LRRIQ3: variants seen among roughly 807,000 people sequenced by gnomAD.
The protein encoded by LRRIQ3 is leucine rich repeats and IQ motif containing 3.
A neutral mutation model predicts 59.3 loss-of-function variants in LRRIQ3; 75 were observed. That is an observed-to-expected ratio of 1.26 (90% CI 1.05 to 1.53). LRRIQ3 has a LOEUF of 1.53. Ranked by LOEUF, LRRIQ3 falls within the 40% of genes most tolerant of loss-of-function variation. The pLI is 0.00. For missense variants in LRRIQ3, 831 were observed against 710.0 expected (o/e 1.17, Z -1.94); for synonymous variants, 250 against 231.3 (o/e 1.08, Z -0.73).
At chr1:74,178,406 G>T (rs534992848) in intron 3 of LRRIQ3, among the ~76,000 whole-genome samples, 1 of 151,702 alleles carries the variant, frequency 6.6e-6, no homozygotes, top group Non-Finnish European at 1.5e-5. Context: ...GCAAAAACAC[G>T]TTAAATTTTA....
intron 1 of LRRIQ3, among the ~76,000 whole-genome samples, chr1:74,187,122 T>G (rs1372285600): frequency 6.6e-6 from 1 of 152,094 alleles, no homozygotes; most frequent in African/African-American, 2.4e-5. Flanking sequence ...AGTATGGAAA[T>G]TCCTTAAGGA....
rs1646472291 is a variant in LRRIQ3, at chr1:74,098,001, T to C, written c.867+11393A>G. ...GCTAGGAAGAAACTGCATCAACTAA[T>C]GAGCAAAATAACCAGCTAACATCAT... On this transcript the variant is annotated intron_variant, in intron 5 of 7. Coordinates refer to ENST00000354431, the MANE Select transcript of LRRIQ3 (RefSeq NM_001105659.2). Among the ~76,000 whole-genome samples the C allele has an allele frequency of 2.0e-5, 3 of 152,064 alleles. No homozygotes were observed. The South Asian group carries it at 6.2e-4, about 32-fold the overall frequency.
chr1:74,110,754 T>C (rs1186017033), intron 4 of LRRIQ3, among the ~76,000 whole-genome samples: 1 of 152,068 alleles, frequency 6.6e-6, no homozygotes, highest in Non-Finnish European at 1.5e-5. Context: ...AAAATATTTG[T>C]ATTAATGACA....
rs1401966425 is a variant in LRRIQ3 at position 74,041,605 on chromosome 1, A to G, written c.1326T>C (p.Val442=). ...CTCGAGCAACTTGTGCCATGGCTAC[A>G]ACTCTTACTTTTTCTTTATGGTATT... is the stretch of plus-strand genomic sequence containing the variant. ...KQEYHKEKVR[V]VAMAQVARER... Residue 442 remains valine (V), a synonymous_variant, in exon 7 of 8, where the codon GTT becomes GTC. Coordinates refer to ENST00000354431, the MANE Select transcript of LRRIQ3 (RefSeq NM_001105659.2). The G allele has an allele frequency of 6.2e-7, 1 of 1,613,808 alleles. No homozygotes were observed. Among genetic ancestry groups the G allele is most frequent in the Admixed American group, 1.7e-5 (1 of 59,982 alleles).
chr1:74,123,874 C>G (rs1646897665), intron 4 of LRRIQ3, among the ~76,000 whole-genome samples: 1 of 152,058 alleles, frequency 6.6e-6, no homozygotes, highest in African/African-American at 2.4e-5. Flanking sequence ...ATTTGAGGAA[C>G]ATCCAAGCTG....
chr1:74,164,670 T>G (rs1357005921), intron 3 of LRRIQ3, among the ~76,000 whole-genome samples: 1 of 151,572 alleles, frequency 6.6e-6, no homozygotes. Flanking sequence ...AAAAATTTGA[T>G]TACATGCATT....
intron 7 of LRRIQ3, among the ~76,000 whole-genome samples, chr1:74,034,965 G>A (rs1201662587): frequency 6.6e-6 from 1 of 151,950 alleles, no homozygotes; most frequent in Non-Finnish European, 1.5e-5. Flanking sequence ...GGATAAAACT[G>A]TGGCTGACCA....
intron 4 of LRRIQ3, among the ~76,000 whole-genome samples, chr1:74,114,290 G>A (rs1646747522): frequency 6.6e-6 from 1 of 152,010 alleles, no homozygotes; most frequent in South Asian, 2.1e-4. Flanking sequence ...GTCACAAACT[G>A]TCGGATTTGT....
chr1:74,130,608 AT>A (rs891934487), intron 4 of LRRIQ3, among the ~76,000 whole-genome samples: 1 of 151,864 alleles, frequency 6.6e-6, no homozygotes, highest in Admixed American at 6.6e-5. Context: ...TATAAATGTG[AT>A]TTTTTTTGTG....
intron 4 of LRRIQ3, among the ~76,000 whole-genome samples, chr1:74,150,316 T>C (rs1647848714): frequency 6.6e-6 from 1 of 152,170 alleles, no homozygotes; most frequent in Admixed American, 6.5e-5. Flanking sequence ...AACTTCTGCC[T>C]AGTTTAAGCC....
rs761252578 is a variant in LRRIQ3, at chr1:74,183,573, G to C, written c.112C>G (p.Leu38Val). The change falls in exon 2 of 8, where the codon CTT becomes GTT. Residue 38 changes from leucine to valine, a missense_variant. Transcript: ENST00000354431. The stretch of plus-strand genomic sequence containing the variant: ...AAATTTTCCATAGACTTTAAATGAA[G>C]GCCATTGAACTTCACAAAAACAAAA... ...KDFVFVKFNGLHLKSMENLQS... is the reference protein window; with the variant it reads ...KDFVFVKFNGVHLKSMENLQS... 1 of 1,611,898 alleles carries C rather than the reference G, an allele frequency of 6.2e-7. No homozygotes were observed. The highest frequency in any genetic ancestry group is 8.5e-7 in the Non-Finnish European group (1 of 1,178,740).
At chr1:74,190,456 C>A (rs1650687395) in intron 1 of LRRIQ3, among the ~76,000 whole-genome samples, 1 of 147,210 alleles carries the variant, frequency 6.8e-6, no homozygotes, top group South Asian at 2.2e-4. Flanking sequence ...CAAAAACATT[C>A]AAAACTAAAA....
At chr1:74,174,519 A>C (rs1416633562) in intron 3 of LRRIQ3, among the ~76,000 whole-genome samples, 1 of 149,524 alleles carries the variant, frequency 6.7e-6, no homozygotes, top group African/African-American at 2.5e-5. Context: ...AGCAGCTGAG[A>C]TTACAGGCAC....
At chr1:74,080,571 A>G (rs1273799019) in intron 5 of LRRIQ3, among the ~76,000 whole-genome samples, 1 of 151,738 alleles carries the variant, frequency 6.6e-6, no homozygotes, top group African/African-American at 2.4e-5. Context: ...GTGCATTTTC[A>G]ACCCTTCCTA....
chr1:74,160,295 G>A (rs1451639897), intron 3 of LRRIQ3, among the ~76,000 whole-genome samples: 2 of 152,052 alleles, frequency 1.3e-5, no homozygotes, highest in Non-Finnish European at 2.9e-5. Context: ...CTTTGCAAAT[G>A]CTTTCCACTC....
At chr1:74,154,519 C>A (rs1227783894) in intron 4 of LRRIQ3, among the ~76,000 whole-genome samples, 1 of 152,072 alleles carries the variant, frequency 6.6e-6, no homozygotes, top group Non-Finnish European at 1.5e-5. Context: ...CTGCAAAACT[C>A]TCTATTCATA....
At chr1:74,180,879 T>G in intron 3 of LRRIQ3, 33 of 1,280,884 alleles carry the variant, frequency 2.6e-5, no homozygotes, top group Non-Finnish European at 3.5e-5. Flanking sequence ...CCCAAATCTC[T>G]ACCCCTTTCA....
At chr1:74,042,242 T>C (rs1654070373) in intron 6 of LRRIQ3, among the ~76,000 whole-genome samples, 1 of 152,110 alleles carries the variant, frequency 6.6e-6, no homozygotes, top group African/African-American at 2.4e-5. Context: ...TAACCACACA[T>C]ATTATTTTTT....
At chr1:74,181,213 T>C (rs1649958138) in intron 3 of LRRIQ3, 3 of 162,398 alleles carry the variant, frequency 1.8e-5, no homozygotes, top group Admixed American at 1.2e-4. Flanking sequence ...GGTATCTGCC[T>C]ATATCAATCC....
Sources: gnomAD v4.1 joint callset for allele counts (sites outside exome capture counted in the v4.1 genomes callset) on GRCh38, gnomAD v4.1.1 for gene constraint, MANE v1.5 for transcripts, NCBI Gene and HGNC (gene_info 2026-07-23, HGNC 2026-07-21) for gene names.